SLC6A11: variants seen among roughly 807,000 people sequenced by gnomAD.
SLC6A11 encodes solute carrier family 6 member 11, also known as sodium- and chloride-dependent GABA transporter 3.
SLC6A11 carries 25 observed loss-of-function variants against 74.8 expected under a neutral mutation model. The ratio of observed to expected loss-of-function variants is 0.33; its 90% CI spans 0.24 to 0.47. SLC6A11 has a LOEUF of 0.47. SLC6A11 is among the 20% of genes least tolerant of loss of function. The pLI, the probability that SLC6A11 is intolerant of heterozygous loss-of-function variation, is 1.00. For missense variants in SLC6A11, 574 were observed against 837.0 expected (o/e 0.69, Z 3.88); for synonymous variants, 330 against 330.2 (o/e 1.00, Z 0.01).
chr3:10,846,241 A>G (rs190887553), intron 5 of SLC6A11, among the ~76,000 whole-genome samples: 49 of 152,344 alleles, frequency 3.2e-4, no homozygotes, highest in African/African-American at 1.1e-3. Context: ...ATGGGTTTCT[A>G]AAGATGAGTA....
intron 13 of SLC6A11, among the ~76,000 whole-genome samples, chr3:10,936,983 T>G (rs918615917): frequency 6.6e-5 from 10 of 152,070 alleles, no homozygotes; most frequent in African/African-American, 2.4e-4. Flanking sequence ...TTCCAGGCCC[T>G]CCTTACCGAG....
At chr3:10,938,178 G>C in intron 13 of SLC6A11, 72 bp from the exon 14 acceptor site, 1 of 1,421,016 alleles carries the variant, frequency 7.0e-7, no homozygotes, top group Middle Eastern at 2.3e-4. Context: ...CGTGTGCTTG[G>C]GAGAGGCCAC....
chr3:10,839,916 G>T (rs1375983974), intron 4 of SLC6A11, among the ~76,000 whole-genome samples: 1 of 152,136 alleles, frequency 6.6e-6, no homozygotes, highest in Admixed American at 6.5e-5. Context: ...GCTGCTGGCT[G>T]CCCCAGGCAG....
At chr3:10,827,212 A>G (rs1167420194) in intron 4 of SLC6A11, among the ~76,000 whole-genome samples, 1 of 152,220 alleles carries the variant, frequency 6.6e-6, no homozygotes, top group Non-Finnish European at 1.5e-5. Flanking sequence ...TTCAGTGAGA[A>G]TATCCATTTA....
At chr3:10,862,490 T>C (rs1002060180) in intron 5 of SLC6A11, among the ~76,000 whole-genome samples, 6 of 152,350 alleles carry the variant, frequency 3.9e-5, no homozygotes, top group South Asian at 4.1e-4. Flanking sequence ...GGGATTTAAA[T>C]TGGGCTCAGC....
chr3:10,830,656 T>G (rs569442143), intron 4 of SLC6A11, among the ~76,000 whole-genome samples: 3 of 151,878 alleles, frequency 2.0e-5, no homozygotes, highest in African/African-American at 7.2e-5. Context: ...CTGAGAGAAG[T>G]GAGGGAGCAA....
intron 5 of SLC6A11, among the ~76,000 whole-genome samples, chr3:10,865,968 G>A (rs1343348095): frequency 2.6e-5 from 4 of 152,158 alleles, no homozygotes; most frequent in Non-Finnish European, 1.5e-5. Flanking sequence ...GATCACAGAG[G>A]CAATTGGTGG....
At chr3:10,834,351 TG>T (rs367614879) in intron 4 of SLC6A11, among the ~76,000 whole-genome samples, 1 of 140,836 alleles carries the variant, frequency 7.1e-6, no homozygotes. Context: ...TTTTTTTTTT[TG>T]TTTTTTTTTT....
intron 4 of SLC6A11, among the ~76,000 whole-genome samples, chr3:10,828,504 C>T (rs903694803): frequency 3.3e-5 from 5 of 152,166 alleles, no homozygotes; most frequent in Admixed American, 2.6e-4. Flanking sequence ...TTCTGTGGGA[C>T]TGGGGTGACT....
intron 6 of SLC6A11, among the ~76,000 whole-genome samples, chr3:10,908,772 T>C (rs1695345433): frequency 6.6e-6 from 1 of 152,178 alleles, no homozygotes; most frequent in Non-Finnish European, 1.5e-5. Flanking sequence ...GTGAAGGCAC[T>C]CAGTGAATGC....
intron 8 of SLC6A11, among the ~76,000 whole-genome samples, chr3:10,920,694 A>G (rs1283537097): frequency 1.3e-5 from 2 of 152,216 alleles, no homozygotes; most frequent in African/African-American, 2.4e-5. Context: ...CTATTCACAC[A>G]GCAGTCCTAG....
chr3:10,897,618 C>T (rs137987994), intron 6 of SLC6A11, among the ~76,000 whole-genome samples: 65 of 152,350 alleles, frequency 4.3e-4, no homozygotes, highest in African/African-American at 1.4e-3. Context: ...TTCCCATGGT[C>T]GTGGGCAGCT....
intron 5 of SLC6A11, among the ~76,000 whole-genome samples, chr3:10,851,043 C>T: frequency 6.6e-6 from 1 of 152,172 alleles, no homozygotes; most frequent in Non-Finnish European, 1.5e-5. Flanking sequence ...TTGGCCTGGA[C>T]ACTGCCCTCT....
intron 6 of SLC6A11, among the ~76,000 whole-genome samples, chr3:10,894,746 C>G (rs1695150046): frequency 6.6e-6 from 1 of 152,014 alleles, no homozygotes. Context: ...CAATAACATG[C>G]AATACAATCA....
intron 6 of SLC6A11, among the ~76,000 whole-genome samples, chr3:10,880,011 A>G (rs1350479605): frequency 1.3e-5 from 2 of 152,224 alleles, no homozygotes; most frequent in African/African-American, 4.8e-5. Flanking sequence ...TAAAAAAAGC[A>G]TGGACATGAC....
intron 5 of SLC6A11, among the ~76,000 whole-genome samples, chr3:10,866,577 C>A (rs7611534): frequency 6.6e-6 from 1 of 152,146 alleles, no homozygotes; most frequent in Non-Finnish European, 1.5e-5. Context: ...TTATTTTAGG[C>A]CCCACACACG....
At chr3:10,843,932 A>G (rs1415428258) in intron 4 of SLC6A11, among the ~76,000 whole-genome samples, 1 of 152,230 alleles carries the variant, frequency 6.6e-6, no homozygotes, top group Non-Finnish European at 1.5e-5. Flanking sequence ...ACTCCAAGGT[A>G]GGCTGGGTGC....
At chr3:10,893,157 T>C (rs1695127160) in intron 6 of SLC6A11, among the ~76,000 whole-genome samples, 1 of 152,136 alleles carries the variant, frequency 6.6e-6, no homozygotes, top group South Asian at 2.1e-4. Flanking sequence ...TGTTTGGAGC[T>C]TTAAAGAAAA....
chr3:10,882,617 G>A (rs1251647755), intron 6 of SLC6A11, among the ~76,000 whole-genome samples: 1 of 152,224 alleles, frequency 6.6e-6, no homozygotes, highest in African/African-American at 2.4e-5. Flanking sequence ...GACCAAACAA[G>A]TGAACAAAGG....
Sources: allele counts gnomAD v4.1 joint callset (sites outside exome capture counted in the v4.1 genomes callset), GRCh38; gene constraint gnomAD v4.1.1; transcripts MANE v1.5; gene names NCBI Gene and HGNC (gene_info 2026-07-23, HGNC 2026-07-21).